The following ASTN1 variants were observed in gnomAD, a reference collection of about 807,000 sequenced individuals.
ASTN1 encodes astrotactin-1.
A neutral mutation model predicts 140.7 loss-of-function variants in ASTN1; 41 were observed. The ratio of observed to expected loss-of-function variants is 0.29; its 90% CI spans 0.23 to 0.38. ASTN1 has a LOEUF of 0.38. ASTN1 is among the 10% of genes least tolerant of loss of function. ASTN1 has a pLI of 1.00. For synonymous variants in ASTN1, 640 were observed against 652.2 expected (o/e 0.98, Z 0.29); for missense variants, 1,479 against 1,678.8 (o/e 0.88, Z 2.08).
At chr1:176,996,289 T>TCACA (rs372443740) in intron 8 of ASTN1, among the ~76,000 whole-genome samples, 234 of 129,390 alleles carry the variant, frequency 1.8e-3, no homozygotes, top group Middle Eastern at 7.7e-3. Flanking sequence ...TCTCTCTCTC[T>TCACA]CACACACACA....
At chr1:176,964,437 A>G (rs1410619020) in intron 9 of ASTN1, among the ~76,000 whole-genome samples, 3 of 152,228 alleles carry the variant, frequency 2.0e-5, no homozygotes, top group African/African-American at 7.2e-5. Flanking sequence ...ATAGATTGAC[A>G]AAATGAATGG....
intron 16 of ASTN1, among the ~76,000 whole-genome samples, chr1:176,924,401 G>T (rs998218484): frequency 6.6e-6 from 1 of 152,136 alleles, no homozygotes; most frequent in East Asian, 1.9e-4. Flanking sequence ...CGTCACTGAG[G>T]CCTTCTCTGT....
At chr1:177,133,458 A>T (rs1282109720) in intron 1 of ASTN1, among the ~76,000 whole-genome samples, 2 of 152,198 alleles carry the variant, frequency 1.3e-5, no homozygotes, top group Non-Finnish European at 2.9e-5. Flanking sequence ...TCCGTGTGCC[A>T]TGTAAGCATG....
At chr1:177,119,815 A>G (rs1166210425) in intron 1 of ASTN1, among the ~76,000 whole-genome samples, 1 of 152,038 alleles carries the variant, frequency 6.6e-6, no homozygotes, top group East Asian at 1.9e-4. Context: ...CCTCATTCCC[A>G]TATGCCCACA....
intron 11 of ASTN1, among the ~76,000 whole-genome samples, chr1:176,953,690 A>C (rs1375640009): frequency 6.6e-6 from 1 of 152,170 alleles, no homozygotes; most frequent in Non-Finnish European, 1.5e-5. Context: ...ATTTCATGGG[A>C]AACCATTGTA....
rs544538156 is a variant in ASTN1, at chr1:176,987,040, C to G, written c.1524-21803G>C. ...CTGGAGACACTTCTGGTTGTTACAA[C>G]TGGAGGGTGGGGTGCTACATGTACA... On this transcript the variant is annotated intron_variant, in intron 8 of 22. Coordinates refer to ENST00000361833, the MANE Select transcript of ASTN1 (RefSeq NM_004319.3). Among the ~76,000 whole-genome samples the G allele has an allele frequency of 3.3e-5, 5 of 152,270 alleles. No homozygotes were observed. The East Asian group carries it at 9.6e-4, about 29-fold the overall frequency.
intron 2 of ASTN1, among the ~76,000 whole-genome samples, chr1:177,046,735 C>A (rs1008535181): frequency 2.0e-5 from 3 of 152,144 alleles, no homozygotes; most frequent in African/African-American, 7.2e-5. Flanking sequence ...GTGTGTGTGA[C>A]AGCCTTCCCC....
intron 16 of ASTN1, among the ~76,000 whole-genome samples, chr1:176,912,992 T>C (rs1670314512): frequency 6.6e-6 from 1 of 152,216 alleles, no homozygotes; most frequent in African/African-American, 2.4e-5. Flanking sequence ...CCACCATCCA[T>C]GATCCCACGG....
intron 8 of ASTN1, among the ~76,000 whole-genome samples, chr1:176,996,918 A>G (rs1674482285): frequency 6.6e-6 from 1 of 152,240 alleles, no homozygotes; most frequent in South Asian, 2.1e-4. Context: ...AAGCTTTAGA[A>G]GAGCAGAAGT....
At chr1:176,891,430 T>A (rs1408780930) in intron 17 of ASTN1, among the ~76,000 whole-genome samples, 1 of 152,172 alleles carries the variant, frequency 6.6e-6, no homozygotes, top group Non-Finnish European at 1.5e-5. Context: ...AAGAAAAACA[T>A]CCTCATAGTC....
Position 177,099,295 on chromosome 1 carries a change from C to T in ASTN1, c.284-38030G>A, listed in dbSNP as rs551950525. Among the ~76,000 whole-genome samples the T allele has an allele frequency of 4.2e-4, 64 of 152,124 alleles. 1 individual carries two copies. Among genetic ancestry groups the T allele is most frequent in the African/African-American group, 1.5e-3 (62 of 41,524 alleles). On this transcript the variant is annotated intron_variant, in intron 1 of 22. Transcript: ENST00000361833. Reference sequence around the variant, plus strand: ...GAAAACAGGCTGGCAAAAACAAATACATCAATACATAATCTTTTTTAAAGT... The same window carrying T: ...GAAAACAGGCTGGCAAAAACAAATATATCAATACATAATCTTTTTTAAAGT...
chr1:176,981,965 A>C (rs1673640334), intron 8 of ASTN1, among the ~76,000 whole-genome samples: 1 of 152,222 alleles, frequency 6.6e-6, no homozygotes, highest in African/African-American at 2.4e-5. Flanking sequence ...TGCCTGTTAC[A>C]TTGTGCCAAA....
chr1:176,987,827 A>T (rs922502072), intron 8 of ASTN1, among the ~76,000 whole-genome samples: 1 of 152,212 alleles, frequency 6.6e-6, no homozygotes, highest in African/African-American at 2.4e-5. Context: ...GAGTAAGAAT[A>T]GCTTTGGGAA....
At chr1:176,872,844 C>T (rs1459569176) in intron 21 of ASTN1, among the ~76,000 whole-genome samples, 3 of 152,168 alleles carry the variant, frequency 2.0e-5, no homozygotes, top group Non-Finnish European at 4.4e-5. Flanking sequence ...TCCCAAGCCA[C>T]TCCAGTTAAA....
chr1:176,911,756 G>A (rs1486127019), intron 16 of ASTN1, among the ~76,000 whole-genome samples: 1 of 152,138 alleles, frequency 6.6e-6, no homozygotes, highest in African/African-American at 2.4e-5. Flanking sequence ...TTTAAAAAAT[G>A]AGTACACTCT....
Position 176,863,604 on chromosome 1 carries a change from G to C in ASTN1, c.*680C>G. 1 of 985,532 alleles carries C rather than the reference G, an allele frequency of 1.0e-6. No homozygotes were observed. Among genetic ancestry groups the C allele is most frequent in the Non-Finnish European group, 1.2e-6 (1 of 830,024 alleles). The allele number at this position is 985,532 out of a possible 1,614,324, so 61.0% of individuals were successfully genotyped here. On this transcript the variant is annotated 3_prime_UTR_variant, in exon 23 of 23. Transcript: ENST00000361833. The stretch of plus-strand genomic sequence containing the variant: ...GGAAGGGACAGAGATCTGACAGAGG[G>C]AGATTTAATCCCAGTCCTGGCTTAA...
At position 177,037,024 on chromosome 1, in the gene ASTN1, C is replaced by T. The variant is rs577852069; in HGVS notation, c.472-4175G>A. ...TAGTAGAGACAGGGTTTGACCATGT[C>T]GGGGAGGCTGGTCTCTAACTTCTGG... On this transcript the variant is annotated intron_variant, in intron 2 of 22. Coordinates refer to ENST00000361833, the MANE Select transcript of ASTN1 (RefSeq NM_004319.3). Among the ~76,000 whole-genome samples, 7 of 151,990 alleles carry T rather than the reference C, an allele frequency of 4.6e-5. No individual in the cohort carries two copies. In the South Asian group the frequency reaches 8.3e-4, roughly 18 times the overall value.
At chr1:176,888,338 T>C (rs994621113) in intron 17 of ASTN1, 134 bp from the exon 18 acceptor site, 1 of 1,048,066 alleles carries the variant, frequency 9.5e-7, no homozygotes, top group African/African-American at 1.6e-5. Context: ...CACTTTATCA[T>C]TGTCTCAAAT....
chr1:176,888,020 G>C lies in ASTN1; in HGVS notation c.3074+51C>G, dbSNP rs774634974. 38 of 1,607,534 alleles carry C rather than the reference G, an allele frequency of 2.4e-5. No individual in the cohort carries two copies. In the Admixed American group the frequency reaches 3.0e-4, roughly 13 times the overall value. ...GCCTATTTCTTTGCAAATAGTAGACGCTCATTATCTGTTTCCAGAGTAATG... is the reference window on the plus strand; with the variant it reads ...GCCTATTTCTTTGCAAATAGTAGACCCTCATTATCTGTTTCCAGAGTAATG... On this transcript the variant is annotated intron_variant, in intron 18 of 22. Coordinates refer to ENST00000361833, the MANE Select transcript of ASTN1 (RefSeq NM_004319.3).
Sources: gnomAD v4.1 joint callset for allele counts (sites outside exome capture counted in the v4.1 genomes callset) on GRCh38, gnomAD v4.1.1 for gene constraint, MANE v1.5 for transcripts, NCBI Gene and HGNC (gene_info 2026-07-23, HGNC 2026-07-21) for gene names.